Variants in HLCS observed in about 807,000 individuals in gnomAD.
The protein encoded by HLCS is biotin--protein ligase.
HLCS carries 53 observed loss-of-function variants against 75.0 expected under a neutral mutation model. The observed-to-expected ratio is 0.71, with a 90% CI of 0.57 to 0.89. The LOEUF is 0.89. HLCS is among the 40% of genes least tolerant of loss of function. The pLI is 0.00. For synonymous variants in HLCS, 431 were observed against 428.6 expected (o/e 1.01, Z -0.07); for missense variants, 966 against 1,074.0 (o/e 0.90, Z 1.41).
At chr21:36,931,936 C>T (rs1601785448) in intron 4 of HLCS, among the ~76,000 whole-genome samples, 1 of 152,144 alleles carries the variant, frequency 6.6e-6, no homozygotes, top group Non-Finnish European at 1.5e-5. Context: ...TCTGTTTCTC[C>T]GTTTTCCCCC....
chr21:36,964,365 C>T (rs2068459796), intron 1 of HLCS, among the ~76,000 whole-genome samples: 1 of 152,194 alleles, frequency 6.6e-6, no homozygotes, highest in Non-Finnish European at 1.5e-5. Flanking sequence ...TAACAGTAGC[C>T]AACCACAAAT....
chr21:36,916,518 ATTTTTTTTTTTT>A (rs57613865), intron 5 of HLCS, among the ~76,000 whole-genome samples: 4 of 93,016 alleles, frequency 4.3e-5, no homozygotes, highest in African/African-American at 1.1e-4. Flanking sequence ...TGCCTAGCTA[ATTTTTTTTTTTT>A]TTTTTTTTTT....
At chr21:36,946,950 T>G (rs1347385951) in intron 2 of HLCS, among the ~76,000 whole-genome samples, 1 of 152,084 alleles carries the variant, frequency 6.6e-6, no homozygotes, top group Non-Finnish European at 1.5e-5. Context: ...GGAAAGGACG[T>G]CAGTTCAGGA....
intron 6 of HLCS, among the ~76,000 whole-genome samples, chr21:36,870,169 C>T (rs1048830294): frequency 1.3e-5 from 2 of 152,238 alleles, no homozygotes; most frequent in African/African-American, 4.8e-5. Context: ...CCCAGTACTG[C>T]TATTAGGAGT....
intron 6 of HLCS, among the ~76,000 whole-genome samples, chr21:36,844,686 G>A (rs754739320): frequency 1.3e-4 from 19 of 151,712 alleles, no homozygotes; most frequent in Non-Finnish European, 1.6e-4. Flanking sequence ...TATGGAGAAC[G>A]ACTATCTTTT....
At chr21:36,901,211 C>A (rs979104794) in intron 5 of HLCS, among the ~76,000 whole-genome samples, 31 of 151,998 alleles carry the variant, frequency 2.0e-4, no homozygotes, top group Non-Finnish European at 1.5e-4. Context: ...CCACTGCATT[C>A]CAGCCTGAGC....
rs71332550 is a variant in HLCS at position 36,763,109 on chromosome 21, C to T, written c.2121+1903G>A. Among the ~76,000 whole-genome samples the T allele has an allele frequency of 2.5e-3, 377 of 152,356 alleles. 1 individual carries two copies. Among genetic ancestry groups the T allele is most frequent in the African/African-American group, 8.8e-3 (367 of 41,588 alleles). On this transcript the variant is annotated intron_variant, in intron 8 of 10. Transcript: ENST00000674895. ...GCACAATCTCGGCTCACCGCAACCT[C>T]TGCCTCCCGAGTTCAAGCGATTCTT...
intron 10 of HLCS, among the ~76,000 whole-genome samples, chr21:36,756,263 C>T (rs529526420): frequency 1.3e-5 from 2 of 151,626 alleles, no homozygotes; most frequent in African/African-American, 2.4e-5. Flanking sequence ...ACGGTGAAAC[C>T]CCACCTCCAC....
At position 36,936,942 on chromosome 21, in the gene HLCS, A is replaced by G. The variant is rs757207843; in HGVS notation, c.944T>C (p.Val315Ala). 1 of 1,614,144 alleles carries G rather than the reference A, an allele frequency of 6.2e-7. No homozygotes were observed. Among genetic ancestry groups the G allele is most frequent in the Admixed American group, 1.7e-5 (1 of 60,012 alleles). Residue 315 changes from valine (V) to alanine (A), a missense_variant, in exon 4 of 11, where the codon GTG (valine) becomes GCG (alanine). By Grantham distance (64) the Val-to-Ala change is moderately conservative. Transcript: ENST00000674895. ...TGKAPNILLY[V>A]GSDSQEALGR... Reference sequence around the variant, plus strand: ...GAGGGCTTCCTGGGAGTCGGAGCCCACATAGAGGAGGATGTTGGGTGCCTT... The same window carrying G: ...GAGGGCTTCCTGGGAGTCGGAGCCCGCATAGAGGAGGATGTTGGGTGCCTT...
At chr21:36,821,650 T>A (rs1434327642) in intron 6 of HLCS, among the ~76,000 whole-genome samples, 1 of 152,218 alleles carries the variant, frequency 6.6e-6, no homozygotes, top group African/African-American at 2.4e-5. Context: ...CGTTACCGCT[T>A]AGGAATCTCA....
chr21:36,789,008 T>G (rs1002594407), intron 6 of HLCS, among the ~76,000 whole-genome samples: 9 of 152,236 alleles, frequency 5.9e-5, no homozygotes, highest in Non-Finnish European at 1.2e-4. Context: ...GCATCTCCTA[T>G]GGCCATAACA....
rs2068595814 is a variant in HLCS at position 36,966,521 on chromosome 21, C to G, written c.118G>C (p.Gly40Arg). Residue 40 changes from glycine (G) to arginine (R), a missense_variant, in exon 1 of 11, where the codon GGC becomes CGC. By Grantham distance (125) the Gly-to-Arg change is moderately radical (BLOSUM62 -2). Coordinates refer to ENST00000674895, the MANE Select transcript of HLCS (RefSeq NM_001352514.2). ...GCGCCCGGGGGCTGCGCGGCCGCGC[C>G]GCAGAAGGTGAAGGAACAGCGCGAG... ...RASRCSFTFC[G>R]AAAQPPGARV... is the part of the protein sequence containing the mutation. 2.0e-6 allele frequency: 2 copies of G among 989,188 alleles called. No individual in the cohort carries two copies. Among genetic ancestry groups the G allele is most frequent in the Non-Finnish European group, 2.4e-6 (2 of 833,580 alleles). The allele number at this position is 989,188 out of a possible 1,614,324, so 61.3% of individuals were successfully genotyped here. A position where few individuals can be genotyped will look rare whatever the true frequency, so the allele number is the denominator to read the frequency against.
chr21:36,938,959 A>G lies in HLCS; in HGVS notation c.366T>C (p.Ala122=), dbSNP rs754193184. Reference sequence around the variant, plus strand: ...GCCGATAAGGATCCCCAGGTCTGCAAGCTAATGGCAAACAACAGTCTGACC... The same window carrying G: ...GCCGATAAGGATCCCCAGGTCTGCAGGCTAATGGCAAACAACAGTCTGACC... ...VKWSDCCLPL[A]CRPGDPYRLI... is the part of the protein sequence containing the mutation. The change falls in exon 3 of 11, where the codon GCT becomes GCC. Residue 122 remains alanine (A), a synonymous_variant. Coordinates refer to ENST00000674895, the MANE Select transcript of HLCS (RefSeq NM_001352514.2). The G allele has an allele frequency of 6.2e-7, 1 of 1,611,634 alleles. No individual in the cohort carries two copies. The highest frequency in any genetic ancestry group is 2.2e-5 in the East Asian group (1 of 44,880).
intron 6 of HLCS, among the ~76,000 whole-genome samples, chr21:36,832,022 G>A (rs2062228442): frequency 6.6e-6 from 1 of 152,058 alleles, no homozygotes; most frequent in South Asian, 2.1e-4. Context: ...CCATCACCAC[G>A]GTGGAAGGGG....
At chr21:36,957,822 G>T (rs997698472) in intron 2 of HLCS, among the ~76,000 whole-genome samples, 1 of 151,640 alleles carries the variant, frequency 6.6e-6, no homozygotes, top group East Asian at 1.9e-4. Context: ...CCAGCTACTC[G>T]GGAGGCTGAG....
intron 6 of HLCS, among the ~76,000 whole-genome samples, chr21:36,862,238 G>A (rs187516958): frequency 7.9e-5 from 12 of 152,266 alleles, no homozygotes; most frequent in Non-Finnish European, 1.2e-4. Flanking sequence ...ATCATGAAGC[G>A]TGATGCCATG....
At chr21:36,937,594 A>G (rs2066954384) in intron 3 of HLCS, among the ~76,000 whole-genome samples, 1 of 152,202 alleles carries the variant, frequency 6.6e-6, no homozygotes, top group Non-Finnish European at 1.5e-5. Flanking sequence ...TGAAGACCCC[A>G]AGTGAAATCA....
intron 8 of HLCS, among the ~76,000 whole-genome samples, chr21:36,762,950 C>T (rs1568972060): frequency 1.3e-5 from 2 of 152,226 alleles, no homozygotes; most frequent in Admixed American, 1.3e-4. Context: ...ATTTAATGTT[C>T]TCGGCTTAGT....
Position 36,885,181 on chromosome 21 carries a change from C to T in HLCS, c.1892+11679G>A, listed in dbSNP as rs114538201. ...GGTTCTAGTATGAGAAAAAAACTGTCGAAATCTTCAAACAAAAACTCCATT... is the reference window on the plus strand; with the variant it reads ...GGTTCTAGTATGAGAAAAAAACTGTTGAAATCTTCAAACAAAAACTCCATT... On this transcript the variant is annotated intron_variant, in intron 6 of 10. Coordinates refer to ENST00000674895, the MANE Select transcript of HLCS (RefSeq NM_001352514.2). Among the ~76,000 whole-genome samples the T allele has an allele frequency of 4.6e-5, 7 of 152,182 alleles. No homozygotes were observed. The South Asian group carries it at 6.2e-4, about 14-fold the overall frequency.
Sources: allele counts gnomAD v4.1 joint callset (sites outside exome capture counted in the v4.1 genomes callset), GRCh38; gene constraint gnomAD v4.1.1; transcripts MANE v1.5; gene names NCBI Gene and HGNC (gene_info 2026-07-23, HGNC 2026-07-21).